Variants in FBXL7 observed in about 807,000 individuals in gnomAD.
The protein encoded by FBXL7 is F-box/LRR-repeat protein 7.
Under a neutral mutation model 38.3 loss-of-function variants are expected in FBXL7, and 12 were observed. That is an observed-to-expected ratio of 0.31 (90% confidence interval 0.20 to 0.51). FBXL7 has a LOEUF of 0.51. FBXL7 is among the 20% of genes least tolerant of loss of function. FBXL7 has a pLI of 0.98. For synonymous variants in FBXL7, 297 were observed against 300.9 expected, an observed-to-expected ratio of 0.99 and a Z score of 0.13; for missense variants, 567 against 676.4, an observed-to-expected ratio of 0.84 and a Z score of 1.79.
chr5:15,732,016 G>A (rs1484392436), intron 2 of FBXL7, among the ~76,000 whole-genome samples: 2 of 152,124 alleles, frequency 1.3e-5, no homozygotes, highest in African/African-American at 2.4e-5. Context: ...ACAGATGGAG[G>A]AATTCACTTG....
intron 2 of FBXL7, among the ~76,000 whole-genome samples, chr5:15,675,896 CG>C (rs1442776939): frequency 1.3e-5 from 2 of 152,016 alleles, no homozygotes; most frequent in Admixed American, 1.3e-4. Flanking sequence ...AGAAATTGGC[CG>C]CTACAATGAA....
chr5:15,785,116 A>T (rs1418603705), intron 2 of FBXL7, among the ~76,000 whole-genome samples: 7 of 152,168 alleles, frequency 4.6e-5, no homozygotes, highest in Non-Finnish European at 7.3e-5. Context: ...AATTTCAGAA[A>T]AACAGCTTAT....
chr5:15,767,999 A>C (rs1452126012), intron 2 of FBXL7, among the ~76,000 whole-genome samples: 1 of 152,198 alleles, frequency 6.6e-6, no homozygotes, highest in Non-Finnish European at 1.5e-5. Context: ...TCATGATTTT[A>C]TCTCTTCAAC....
intron 2 of FBXL7, among the ~76,000 whole-genome samples, chr5:15,883,433 A>G (rs1740543435): frequency 6.6e-6 from 1 of 152,204 alleles, no homozygotes; most frequent in Non-Finnish European, 1.5e-5. Context: ...ACTGTGATTC[A>G]CCAAACTAGA....
At position 15,928,471 on chromosome 5, in the gene FBXL7, T is replaced by A. The variant is rs771197398; in HGVS notation, c.709T>A (p.Cys237Ser). ...GGCCGTCTTTGATGTGGTGTCCCTC[T>A]GCCCTAATCTGGAGCACCTGGATGT... ...NEAVFDVVSLCPNLEHLDVSG... is the reference protein window; with the variant it reads ...NEAVFDVVSLSPNLEHLDVSG... Residue 237 changes from cysteine (C) to serine (S), a missense_variant, in exon 3 of 4, where the codon TGC becomes AGC. By Grantham distance (112) the Cys-to-Ser change is moderately radical (BLOSUM62 -1). Transcript: ENST00000504595. The surrounding 1 kb of genome is among the most constrained non-coding windows in gnomAD (Gnocchi z 4.0). 3 of 1,613,246 alleles carry A rather than the reference T, an allele frequency of 1.9e-6. No individual in the cohort carries two copies. The South Asian group carries it at 3.3e-5, about 18-fold the overall frequency.
chr5:15,523,684 G>A (rs370961836), intron 1 of FBXL7, among the ~76,000 whole-genome samples: 14 of 152,246 alleles, frequency 9.2e-5, no homozygotes, highest in South Asian at 2.1e-4. Context: ...CGTCCGTGGC[G>A]CCTTCTGCAC....
intron 2 of FBXL7, among the ~76,000 whole-genome samples, chr5:15,782,599 T>C (rs1561124813): frequency 1.3e-5 from 2 of 152,154 alleles, no homozygotes; most frequent in South Asian, 2.1e-4. Context: ...TTTTTTCATA[T>C]GTTTGTTGTT....
chr5:15,564,848 C>T (rs1174879785), intron 1 of FBXL7, among the ~76,000 whole-genome samples: 1 of 152,020 alleles, frequency 6.6e-6, no homozygotes, highest in Non-Finnish European at 1.5e-5. Flanking sequence ...ATTTTGGCTC[C>T]TGCGCTAATG....
At chr5:15,570,337 G>C (rs1235140739) in intron 1 of FBXL7, among the ~76,000 whole-genome samples, 1 of 152,118 alleles carries the variant, frequency 6.6e-6, no homozygotes, top group East Asian at 1.9e-4. Context: ...ATTTGTCGAG[G>C]AATTTATCCA....
At chr5:15,791,322 A>C (rs1403448259) in intron 2 of FBXL7, among the ~76,000 whole-genome samples, 3 of 152,114 alleles carry the variant, frequency 2.0e-5, no homozygotes, top group Non-Finnish European at 4.4e-5. Flanking sequence ...TTTGTTTCAA[A>C]CTTTCTGTTG....
intron 2 of FBXL7, among the ~76,000 whole-genome samples, chr5:15,876,868 C>G (rs1162413681): frequency 3.9e-5 from 6 of 152,186 alleles, no homozygotes; most frequent in Non-Finnish European, 8.8e-5. Context: ...GTGTGAGGCA[C>G]TGAGCCCTAC....
At chr5:15,786,742 C>T (rs573123905) in intron 2 of FBXL7, among the ~76,000 whole-genome samples, 18 of 152,216 alleles carry the variant, frequency 1.2e-4, no homozygotes, top group African/African-American at 3.4e-4. Flanking sequence ...ATGTATAATA[C>T]GTAATGGACT....
At chr5:15,584,136 ACAGAG>A (rs1338043321) in intron 1 of FBXL7, among the ~76,000 whole-genome samples, 2 of 152,142 alleles carry the variant, frequency 1.3e-5, no homozygotes, top group Non-Finnish European at 2.9e-5. Context: ...TTGGGGCTGC[ACAGAG>A]CAGCTGGGCC....
intron 1 of FBXL7, among the ~76,000 whole-genome samples, chr5:15,545,816 T>C (rs1737879156): frequency 6.6e-6 from 1 of 152,168 alleles, no homozygotes; most frequent in Admixed American, 6.5e-5. Flanking sequence ...AAGTAAAAGA[T>C]GTATTAGGGC....
intron 2 of FBXL7, among the ~76,000 whole-genome samples, chr5:15,714,477 C>G (rs986381477): frequency 6.6e-6 from 1 of 152,094 alleles, no homozygotes; most frequent in African/African-American, 2.4e-5. Context: ...TGAGAACAGA[C>G]TACACAAGGT....
intron 1 of FBXL7, among the ~76,000 whole-genome samples, chr5:15,506,068 GA>G (rs1736638699): frequency 6.6e-6 from 1 of 152,080 alleles, no homozygotes; most frequent in African/African-American, 2.4e-5. Context: ...TTTACGGATA[GA>G]ATATTCATTC....
intron 1 of FBXL7, among the ~76,000 whole-genome samples, chr5:15,594,969 T>C (rs762798697): frequency 5.9e-5 from 9 of 152,172 alleles, no homozygotes; most frequent in Non-Finnish European, 1.2e-4. Context: ...TATATACCTG[T>C]ATGTGACAAG....
intron 2 of FBXL7, among the ~76,000 whole-genome samples, chr5:15,849,697 A>C (rs1030828282): frequency 6.6e-6 from 1 of 152,192 alleles, no homozygotes; most frequent in East Asian, 1.9e-4. Flanking sequence ...TTATTAGCAG[A>C]GTGGAAACAG....
chr5:15,813,739 TAAAC>T (rs942527269), intron 2 of FBXL7, among the ~76,000 whole-genome samples: 30 of 151,014 alleles, frequency 2.0e-4, no homozygotes, highest in African/African-American at 5.6e-4. Context: ...AGAAAAAAAA[TAAAC>T]AACCCCATCA....
Sources: gnomAD v4.1 joint callset for allele counts (sites outside exome capture counted in the v4.1 genomes callset) on GRCh38, gnomAD v4.1.1 for gene constraint, Gnocchi (gnomAD v3.1) non-coding constraint, MANE v1.5 for transcripts, NCBI Gene and HGNC (gene_info 2026-07-23, HGNC 2026-07-21) for gene names.